ZNF827: variants seen among roughly 807,000 people sequenced by gnomAD.
The protein encoded by ZNF827 is zinc finger protein 827.
Under a neutral mutation model 102.4 loss-of-function variants are expected in ZNF827, and 13 were observed. That is an observed-to-expected ratio of 0.13 (90% CI 0.08 to 0.20). The LOEUF is 0.20. ZNF827 is among the 10% of genes least tolerant of loss of function. ZNF827 has a pLI of 1.00. For missense variants in ZNF827, 1,103 were observed against 1,344.4 expected, an observed-to-expected ratio of 0.82 and a Z score of 2.81; for synonymous variants, 523 against 536.2, an observed-to-expected ratio of 0.98 and a Z score of 0.34.
chr4:145,776,505 A>G (rs1737121835), intron 9 of ZNF827, among the ~76,000 whole-genome samples: 1 of 151,768 alleles, frequency 6.6e-6, no homozygotes, highest in Non-Finnish European at 1.5e-5. Flanking sequence ...ACTAGAATAG[A>G]TAACCTGCTT....
At chr4:145,928,352 C>T (rs1325554443) in intron 1 of ZNF827, among the ~76,000 whole-genome samples, 1 of 152,198 alleles carries the variant, frequency 6.6e-6, no homozygotes, top group Non-Finnish European at 1.5e-5. Context: ...TTTTAAAAAT[C>T]TCCCAGGTGA....
At chr4:145,790,846 A>G (rs116723850) in intron 8 of ZNF827, among the ~76,000 whole-genome samples, 1,629 of 152,306 alleles carry the variant, frequency 0.011, 31 homozygotes, top group African/African-American at 0.037. Flanking sequence ...TAACTATTCT[A>G]CTTTGCCTTT....
chr4:145,902,302 A>G lies in ZNF827; in HGVS notation c.957T>C (p.Pro319=). 2 of 1,595,534 alleles carry G rather than the reference A, an allele frequency of 1.3e-6. No homozygotes were observed. The highest frequency in any genetic ancestry group is 1.7e-6 in the Non-Finnish European group (2 of 1,172,084). The change falls in exon 2 of 15, where the codon CCT becomes CCC. Residue 319 remains proline, a synonymous_variant. Transcript: ENST00000508784. The surrounding 1 kb of genome is among the most constrained non-coding windows in gnomAD (Gnocchi z 4.3). ...TGACTTTTTCTGGTTTCTTCTCTGA[A>G]GGCGGGGGCGGTAGAGGGTCCTCAG... ...LLPEDPLPPP[P]SEKKPEKVTP... is the part of the protein sequence containing the mutation.
chr4:145,781,170 C>T lies in ZNF827; in HGVS notation c.2384-1659G>A, dbSNP rs541961586. ...GAGATTGTGCCACTGCACTCCAGCC[C>T]GGGCAACAGAACGAGACACCATCTC... On this transcript the variant is annotated intron_variant, in intron 8 of 14. Transcript: ENST00000508784. Among the ~76,000 whole-genome samples the T allele has an allele frequency of 7.7e-4, 103 of 133,896 alleles. 2 individuals are homozygous for T. Among genetic ancestry groups the T allele is most frequent in the African/African-American group, 2.8e-3 (95 of 34,118 alleles). 87.8% of individuals were successfully genotyped at this position (133,896 alleles called of 152,430 possible).
intron 3 of ZNF827, among the ~76,000 whole-genome samples, chr4:145,889,195 ATTTAT>A (rs1460213717): frequency 2.0e-5 from 3 of 152,222 alleles, no homozygotes; most frequent in Non-Finnish European, 4.4e-5. Flanking sequence ...AAGGAATAAA[ATTTAT>A]TTTAGAGTAA....
At position 145,759,912 on chromosome 4, in the gene ZNF827, T is replaced by A. The variant is rs542138543; in HGVS notation, c.*1704A>T. 20 of 152,360 alleles carry A rather than the reference T, an allele frequency of 1.3e-4. No individual in the cohort carries two copies. Among genetic ancestry groups the A allele is most frequent in the African/African-American group, 4.6e-4 (19 of 41,590 alleles). The allele number at this position is 152,360 out of a possible 1,614,324, so 9.4% of individuals were successfully genotyped here. A position where few individuals can be genotyped will look rare whatever the true frequency, so the allele number is the denominator to read the frequency against. On this transcript the variant is annotated 3_prime_UTR_variant, in exon 15 of 15. Coordinates refer to ENST00000508784, the MANE Select transcript of ZNF827 (RefSeq NM_001306215.2). ...TAATACATCTCATATATATATATAA[T>A]CTGCCCTTAAAAAATGATGCACTGT...
intron 9 of ZNF827, among the ~76,000 whole-genome samples, chr4:145,778,661 T>C (rs1407338475): frequency 6.6e-6 from 1 of 152,220 alleles, no homozygotes; most frequent in Non-Finnish European, 1.5e-5. Flanking sequence ...ACTTCCTGTC[T>C]TGCTTTTTAA....
chr4:145,862,312 T>A (rs932226702), intron 5 of ZNF827, among the ~76,000 whole-genome samples: 1 of 152,212 alleles, frequency 6.6e-6, no homozygotes, highest in Admixed American at 6.5e-5. Context: ...AATACTGCTG[T>A]CTAGCCTCTG....
intron 7 of ZNF827, among the ~76,000 whole-genome samples, chr4:145,834,527 G>A (rs1401079748): frequency 6.6e-6 from 1 of 152,082 alleles, no homozygotes. Context: ...CCGGCTTACA[G>A]TTTCGTTCCG....
intron 5 of ZNF827, among the ~76,000 whole-genome samples, chr4:145,865,315 A>G (rs1272795120): frequency 6.6e-6 from 1 of 152,244 alleles, no homozygotes; most frequent in African/African-American, 2.4e-5. Flanking sequence ...GTTCTTTTTA[A>G]AAAGTAAAAT....
In ZNF827 at chr4:145,837,922, C is replaced by T. The variant is rs576779084; in HGVS notation, c.2279+8034G>A. On this transcript the variant is annotated intron_variant, in intron 7 of 14. Transcript: ENST00000508784. ...TCCCACTCTAGGTTCCCACGCCGCC[C>T]CTAATCCCGCTTGAAGCAGCCCTGA... 5.5e-4 allele frequency among the ~76,000 whole-genome samples: 83 copies of T among 152,218 alleles called. 1 individual carries two copies. The highest frequency in any genetic ancestry group is 3.9e-3 in the South Asian group (19 of 4,820).
rs559645051 is a variant in ZNF827 at position 145,857,856 on chromosome 4, G to A, written c.1982-8295C>T. 2.5e-4 allele frequency among the ~76,000 whole-genome samples: 38 copies of A among 151,880 alleles called. 1 individual carries two copies. Among genetic ancestry groups the A allele is most frequent in the Admixed American group, 1.4e-3 (22 of 15,258 alleles). On this transcript the variant is annotated intron_variant, in intron 5 of 14. Transcript: ENST00000508784. ...AGAGGTGCATTTGAACTATATATAT[G>A]CCATTTGGTAACATTCCAAATGATC...
intron 11 of ZNF827, among the ~76,000 whole-genome samples, chr4:145,772,855 G>A (rs1464573554): frequency 6.6e-6 from 1 of 152,204 alleles, no homozygotes; most frequent in Admixed American, 6.5e-5. Context: ...CTACATCAGA[G>A]AGAACAAGAT....
chr4:145,793,015 G>C (rs1739924469), intron 8 of ZNF827, among the ~76,000 whole-genome samples: 1 of 151,798 alleles, frequency 6.6e-6, no homozygotes, highest in Non-Finnish European at 1.5e-5. Flanking sequence ...GGCCACCTTG[G>C]AAAGTGTCTC....
intron 1 of ZNF827, among the ~76,000 whole-genome samples, chr4:145,916,764 A>C (rs1208297160): frequency 6.6e-6 from 1 of 152,088 alleles, no homozygotes; most frequent in Non-Finnish European, 1.5e-5. Context: ...TCATTTTACT[A>C]TATGAAGTTA....
At chr4:145,878,575 G>C (rs1277520374) in intron 4 of ZNF827, among the ~76,000 whole-genome samples, 1 of 128,840 alleles carries the variant, frequency 7.8e-6, no homozygotes, top group Non-Finnish European at 1.6e-5. Flanking sequence ...GACAGGACAG[G>C]ACAGGACAGG....
chr4:145,899,965 T>C (rs138759417), intron 2 of ZNF827, among the ~76,000 whole-genome samples: 70 of 152,344 alleles, frequency 4.6e-4, no homozygotes, highest in African/African-American at 1.6e-3. Flanking sequence ...CGATTTCTTA[T>C]AGATCTCCCA....
At chr4:145,767,170 T>C (rs1691142564) in intron 11 of ZNF827, among the ~76,000 whole-genome samples, 1 of 152,180 alleles carries the variant, frequency 6.6e-6, no homozygotes, top group Admixed American at 6.5e-5. Context: ...GTGACTGTAT[T>C]TCATATGTTC....
At chr4:145,899,734 G>A (rs1751264771) in intron 2 of ZNF827, among the ~76,000 whole-genome samples, 1 of 152,200 alleles carries the variant, frequency 6.6e-6, no homozygotes, top group African/African-American at 2.4e-5. Flanking sequence ...CTCTGCTGAT[G>A]AAGCTGCTTC....
Sources: gnomAD v4.1 joint callset for allele counts (sites outside exome capture counted in the v4.1 genomes callset) on GRCh38, gnomAD v4.1.1 for gene constraint, Gnocchi (gnomAD v3.1) non-coding constraint, MANE v1.5 for transcripts, NCBI Gene and HGNC (gene_info 2026-07-23, HGNC 2026-07-21) for gene names.